Variants in CDK14 observed in about 807,000 individuals in gnomAD.
The protein encoded by CDK14 is cyclin-dependent kinase 14.
A neutral mutation model predicts 60.7 loss-of-function variants in CDK14; 34 were observed. The ratio of observed to expected loss-of-function variants is 0.56; its 90% confidence interval spans 0.43 to 0.75. CDK14 has a LOEUF of 0.75. Among genes scored for constraint, CDK14 ranks in the 30% least tolerant of loss-of-function variants. The pLI is 0.00. For synonymous variants in CDK14, 197 were observed against 203.7 expected, an observed-to-expected ratio of 0.97 and a Z score of 0.28; for missense variants, 482 against 564.1, an observed-to-expected ratio of 0.85 and a Z score of 1.47.
intron 5 of CDK14, among the ~76,000 whole-genome samples, chr7:90,860,368 A>G (rs1385479496): frequency 2.6e-5 from 4 of 152,002 alleles, no homozygotes; most frequent in Non-Finnish European, 4.4e-5. Flanking sequence ...TCTATTTTTC[A>G]CAATTATTAT....
chr7:90,685,388 T>A (rs578133322), intron 2 of CDK14, among the ~76,000 whole-genome samples: 1 of 152,320 alleles, frequency 6.6e-6, no homozygotes, highest in Admixed American at 6.5e-5. Context: ...ATCATACAGT[T>A]AGTCTTCCAG....
chr7:90,889,334 A>T (rs1162477628), intron 6 of CDK14, among the ~76,000 whole-genome samples: 1 of 152,212 alleles, frequency 6.6e-6, no homozygotes, highest in Admixed American at 6.5e-5. Context: ...TCATTGCCAG[A>T]AGCCAAATAG....
chr7:90,679,575 A>C (rs1248045010), intron 2 of CDK14, among the ~76,000 whole-genome samples: 1 of 152,192 alleles, frequency 6.6e-6, no homozygotes, highest in East Asian at 1.9e-4. Context: ...TCCCCAAAGC[A>C]GTTTATTTTA....
intron 9 of CDK14, among the ~76,000 whole-genome samples, chr7:90,964,373 A>T (rs2117604001): frequency 6.6e-6 from 1 of 152,308 alleles, no homozygotes; most frequent in South Asian, 2.1e-4. Flanking sequence ...AACATATGGA[A>T]AACCTAGGTC....
At chr7:90,681,737 T>G (rs971895756) in intron 2 of CDK14, among the ~76,000 whole-genome samples, 1 of 152,220 alleles carries the variant, frequency 6.6e-6, no homozygotes, top group South Asian at 2.1e-4. Flanking sequence ...CTATATAGAC[T>G]GCATAGATTT....
At chr7:91,120,240 C>T (rs765781398) in intron 14 of CDK14, among the ~76,000 whole-genome samples, 11 of 152,138 alleles carry the variant, frequency 7.2e-5, no homozygotes, top group South Asian at 2.1e-4. Context: ...GCTGCTAGAA[C>T]GTGTTTCAGC....
chr7:90,633,184 C>T (rs953321786), intron 2 of CDK14, among the ~76,000 whole-genome samples: 1 of 151,520 alleles, frequency 6.6e-6, no homozygotes, highest in African/African-American at 2.4e-5. Context: ...AAAATGTGTT[C>T]ATTTACGTAA....
At chr7:90,635,609 C>T (rs1369831653) in intron 2 of CDK14, among the ~76,000 whole-genome samples, 9 of 152,092 alleles carry the variant, frequency 5.9e-5, no homozygotes, top group African/African-American at 1.9e-4. Flanking sequence ...ATTGACTTGG[C>T]AATGCGGGCT....
chr7:90,785,911 A>G (rs903653115), intron 4 of CDK14, among the ~76,000 whole-genome samples: 9 of 151,962 alleles, frequency 5.9e-5, no homozygotes, highest in Admixed American at 2.0e-4. Context: ...ACAGATTTGG[A>G]TTTGTGCTTT....
intron 11 of CDK14, among the ~76,000 whole-genome samples, chr7:91,073,339 T>C (rs1025762707): frequency 1.3e-5 from 2 of 151,814 alleles, no homozygotes; most frequent in Non-Finnish European, 2.9e-5. Flanking sequence ...CAGAAGAGAG[T>C]GGGGGCCAAT....
intron 14 of CDK14, among the ~76,000 whole-genome samples, chr7:91,166,072 A>G (rs1801338058): frequency 6.6e-6 from 1 of 152,192 alleles, no homozygotes; most frequent in Non-Finnish European, 1.5e-5. Context: ...ACCAACTATC[A>G]CAAATGGACT....
intron 2 of CDK14, among the ~76,000 whole-genome samples, chr7:90,682,345 G>A (rs1386525902): frequency 6.6e-6 from 1 of 152,116 alleles, no homozygotes; most frequent in Non-Finnish European, 1.5e-5. Flanking sequence ...TTGAAAACCT[G>A]TAAGAAGAAT....
intron 12 of CDK14, among the ~76,000 whole-genome samples, chr7:91,102,107 A>G (rs1799160848): frequency 6.6e-6 from 1 of 152,190 alleles, no homozygotes; most frequent in African/African-American, 2.4e-5. Flanking sequence ...TGATTAATTC[A>G]GTGGCCAGCA....
At chr7:90,880,716 A>G (rs1340026680) in intron 6 of CDK14, among the ~76,000 whole-genome samples, 2 of 152,132 alleles carry the variant, frequency 1.3e-5, no homozygotes, top group Non-Finnish European at 1.5e-5. Flanking sequence ...CAGAGGTCCC[A>G]GCAGAAGAAG....
chr7:90,635,188 T>G (rs946763667), intron 2 of CDK14, among the ~76,000 whole-genome samples: 21 of 152,356 alleles, frequency 1.4e-4, no homozygotes, highest in African/African-American at 5.0e-4. Flanking sequence ...TTTTGGTGTT[T>G]TAGACACGAA....
chr7:90,837,276 C>A (rs911890702), intron 5 of CDK14, among the ~76,000 whole-genome samples: 2 of 150,798 alleles, frequency 1.3e-5, no homozygotes, highest in African/African-American at 4.9e-5. Context: ...AATAATATTT[C>A]TTTCTTTCTT....
At chr7:90,986,471 A>G (rs1205020537) in intron 10 of CDK14, among the ~76,000 whole-genome samples, 4 of 152,004 alleles carry the variant, frequency 2.6e-5, no homozygotes, top group African/African-American at 9.7e-5. Context: ...GTCTATGGAA[A>G]TAATACAAAA....
At chr7:90,606,864 C>T (rs1009048097) in intron 2 of CDK14, among the ~76,000 whole-genome samples, 12 of 152,292 alleles carry the variant, frequency 7.9e-5, no homozygotes, top group Admixed American at 3.3e-4. Flanking sequence ...TTGGGCAGGT[C>T]GTTTAACTTA....
At chr7:91,204,548 C>G (rs1802824087) in intron 14 of CDK14, among the ~76,000 whole-genome samples, 1 of 152,160 alleles carries the variant, frequency 6.6e-6, no homozygotes, top group Non-Finnish European at 1.5e-5. Flanking sequence ...GTGTAAAGAA[C>G]TCCTACAACT....
Sources: allele counts gnomAD v4.1 joint callset (sites outside exome capture counted in the v4.1 genomes callset), GRCh38; gene constraint gnomAD v4.1.1; transcripts MANE v1.5; gene names NCBI Gene and HGNC (gene_info 2026-07-23, HGNC 2026-07-21).